Variants in SORBS2 observed in about 807,000 individuals in gnomAD.
SORBS2 encodes sorbin and SH3 domain containing 2.
In SORBS2, 46 loss-of-function variants were observed where a neutral mutation model predicts 97.7. The observed-to-expected ratio is 0.47, with a 90% CI of 0.37 to 0.60. The LOEUF is 0.60. SORBS2 is among the 20% of genes least tolerant of loss of function. SORBS2 has a pLI of 0.00. For synonymous variants in SORBS2, 476 were observed against 473.4 expected, an observed-to-expected ratio of 1.01 and a Z score of -0.07; for missense variants, 1,316 against 1,282.3, an observed-to-expected ratio of 1.03 and a Z score of -0.40.
chr4:185,768,150 T>A (rs1370496898), intron 2 of SORBS2, among the ~76,000 whole-genome samples: 1 of 152,132 alleles, frequency 6.6e-6, no homozygotes, highest in Non-Finnish European at 1.5e-5. Context: ...GAGTGTTATA[T>A]CCAGGTGTAT....
At chr4:185,657,660 CTTG>C (rs1351403034), upstream of SORBS2, 17 of 1,448,752 alleles carry the variant, frequency 1.2e-5, no homozygotes, top group South Asian at 6.2e-5. Context: ...ATTCATGTGT[CTTG>C]TTGTATATTT....
At chr4:185,716,598 GT>G (rs5864954) in intron 2 of SORBS2, among the ~76,000 whole-genome samples, 3 of 151,954 alleles carry the variant, frequency 2.0e-5, no homozygotes, top group Admixed American at 1.3e-4. Flanking sequence ...GTATAAATGA[GT>G]TTTTTTTAAG....
In SORBS2 at chr4:185,679,243, G is replaced by T. The variant is rs555853821; in HGVS notation, c.-197-421C>A. Among the ~76,000 whole-genome samples, 67 of 152,196 alleles carry T rather than the reference G, an allele frequency of 4.4e-4. 2 individuals carry two copies. Among genetic ancestry groups the T allele is most frequent in the African/African-American group, 1.6e-3 (65 of 41,542 alleles). ...AAGCATATTTAACTCCTGTGTTACA[G>T]AACTGTATTCTGTAGTTCGCATTTT... On this transcript the variant is annotated intron_variant, in intron 2 of 20. Transcript: ENST00000284776.
chr4:185,698,442 G>A (rs1376230616), intron 2 of SORBS2, among the ~76,000 whole-genome samples: 4 of 152,042 alleles, frequency 2.6e-5, no homozygotes, highest in East Asian at 1.9e-4. Context: ...GCAGTGAGCC[G>A]AGATCGCACC....
chr4:185,922,980 C>T (rs1480978079), intron 1 of SORBS2, among the ~76,000 whole-genome samples: 1 of 152,156 alleles, frequency 6.6e-6, no homozygotes, highest in Non-Finnish European at 1.5e-5. Context: ...AAACCCTGAA[C>T]GAAGCTTTCT....
At chr4:185,655,558 T>C (rs531913378) in intron 1 of SORBS2, among the ~76,000 whole-genome samples, 1 of 152,354 alleles carries the variant, frequency 6.6e-6, no homozygotes, top group South Asian at 2.1e-4. Context: ...CAATTGTGCA[T>C]AAAAATTACA....
At chr4:185,646,899 A>T in intron 3 of SORBS2, 117 bp from the exon 13 acceptor site, 1 of 643,762 alleles carries the variant, frequency 1.6e-6, no homozygotes, top group Non-Finnish European at 2.7e-6. Context: ...AAAATCTCTC[A>T]GGATAAAAAG....
chr4:185,693,604 C>G (rs564247109), intron 2 of SORBS2, among the ~76,000 whole-genome samples: 2 of 152,272 alleles, frequency 1.3e-5, no homozygotes, highest in South Asian at 4.1e-4. Flanking sequence ...TTCTTCATTC[C>G]TTTTGAAACC....
chr4:185,856,570 C>A (rs1411253230), intron 1 of SORBS2, among the ~76,000 whole-genome samples: 1 of 152,056 alleles, frequency 6.6e-6, no homozygotes, highest in Non-Finnish European at 1.5e-5. Flanking sequence ...AAAAAAGGAT[C>A]ATAAGTTAAA....
At chr4:185,726,628 T>TTA (rs1250896480) in intron 2 of SORBS2, among the ~76,000 whole-genome samples, 1 of 150,792 alleles carries the variant, frequency 6.6e-6, no homozygotes, top group African/African-American at 2.4e-5. Flanking sequence ...GTATAATATA[T>TTA]TATATATATA....
rs551407399 is a variant in SORBS2 at position 185,926,796 on chromosome 4, G to A, written c.-338+29400C>T. 3.0e-3 allele frequency among the ~76,000 whole-genome samples: 463 copies of A among 152,136 alleles called. 1 individual carries two copies. Among genetic ancestry groups the A allele is most frequent in the Non-Finnish European group, 4.9e-3 (334 of 67,986 alleles). Reference sequence around the variant, plus strand: ...CACAAGGATCTTTATTTCTAAGAAAGTGACTTTCATCATCACTTTAGAGCA... The same window carrying A: ...CACAAGGATCTTTATTTCTAAGAAAATGACTTTCATCATCACTTTAGAGCA... On this transcript the variant is annotated intron_variant, in intron 1 of 20. Coordinates refer to the SORBS2 transcript ENST00000284776.
At chr4:185,624,685 G>A (rs1276188174) in intron 6 of SORBS2, among the ~76,000 whole-genome samples, 191 bp from the exon 19 acceptor site, 2 of 152,154 alleles carry the variant, frequency 1.3e-5, no homozygotes, top group Non-Finnish European at 2.9e-5. Flanking sequence ...ATTCTAAAGC[G>A]AGCTAATACT....
At chr4:185,839,048 C>T (rs2099209906) in intron 1 of SORBS2, among the ~76,000 whole-genome samples, 1 of 152,170 alleles carries the variant, frequency 6.6e-6, no homozygotes, top group South Asian at 2.1e-4. Flanking sequence ...TTCAAGGCCC[C>T]AACACTGCAC....
intron 8 of SORBS2, 150 bp from the exon 21 acceptor site, chr4:185,618,781 T>C: frequency 2.2e-6 from 1 of 450,882 alleles, no homozygotes; most frequent in Non-Finnish European, 4.1e-6. Context: ...AATAAGTCCA[T>C]TCATTCTTCA....
At chr4:185,878,975 A>C (rs1226506159) in intron 1 of SORBS2, among the ~76,000 whole-genome samples, 1 of 152,022 alleles carries the variant, frequency 6.6e-6, no homozygotes, top group Non-Finnish European at 1.5e-5. Context: ...CCAACTCTCC[A>C]GTCGCTTTCT....
intron 1 of SORBS2, among the ~76,000 whole-genome samples, chr4:185,849,812 G>A (rs2099216794): frequency 6.6e-6 from 1 of 152,286 alleles, no homozygotes; most frequent in Non-Finnish European, 1.5e-5. Context: ...CGACAGACAG[G>A]AATGTTGATG....
chr4:185,589,580 A>T lies in SORBS2; in HGVS notation c.2953+99T>A, dbSNP rs1057394170. 15 of 744,470 alleles carry T rather than the reference A, an allele frequency of 2.0e-5. No individual in the cohort carries two copies. In the African/African-American group the frequency reaches 2.6e-4, roughly 13 times the overall value. 46.1% of individuals were successfully genotyped at this position (744,470 alleles called of 1,614,324 possible). On this transcript the variant is annotated intron_variant, in intron 14 of 14. Transcript: ENST00000418609. ...GTCTGAAAGATCAAAGGCATTACGA[A>T]TTCAAAGGAAGCTCGGCCATCACAG...
intron 1 of SORBS2, among the ~76,000 whole-genome samples, chr4:185,809,265 G>C (rs2099169118): frequency 6.6e-6 from 1 of 151,386 alleles, no homozygotes; most frequent in South Asian, 2.1e-4. Context: ...CAAAGCTCTG[G>C]AAGGCTGTGA....
intron 1 of SORBS2, among the ~76,000 whole-genome samples, chr4:185,914,774 T>G (rs954614210): frequency 6.6e-6 from 1 of 152,232 alleles, no homozygotes; most frequent in Non-Finnish European, 1.5e-5. Context: ...TGCACGGCCC[T>G]TGCCCTCTTC....
Sources: allele counts gnomAD v4.1 joint callset (sites outside exome capture counted in the v4.1 genomes callset), GRCh38; gene constraint gnomAD v4.1.1; transcripts MANE v1.5; gene names NCBI Gene and HGNC (gene_info 2026-07-23, HGNC 2026-07-21).